TRABD2A: variants seen among roughly 807,000 people sequenced by gnomAD.
TRABD2A encodes TraB domain containing 2A.
Under a neutral mutation model 45.6 loss-of-function variants are expected in TRABD2A, and 43 were observed. The ratio of observed to expected loss-of-function variants is 0.94; its 90% confidence interval spans 0.74 to 1.22. TRABD2A has a LOEUF of 1.22. TRABD2A is among the 50% of genes most tolerant of loss of function. The pLI is 0.00. For missense variants in TRABD2A, 642 were observed against 652.4 expected (o/e 0.98, Z 0.17); for synonymous variants, 269 against 265.0 (o/e 1.02, Z -0.15).
rs1209553053 is a variant in TRABD2A, at chr2:84,832,072, A to G, written c.1065T>C (p.Ala355=). Reference sequence around the variant, plus strand: ...ACGGTTACTTGTGGATGGGTCGTCCAGCAGGGGCGTGTTCTACCTCATAGC... The same window carrying G: ...ACGGTTACTTGTGGATGGGTCGTCCGGCAGGGGCGTGTTCTACCTCATAGC... ...REGYEVEHAP[A]GRPIHKGKSK... The change falls in exon 5 of 7, where the codon GCT becomes GCC. Residue 355 remains alanine, a synonymous_variant. Coordinates refer to ENST00000409520, the MANE Select transcript of TRABD2A (RefSeq NM_001277053.2). 6.2e-7 allele frequency: 1 copy of G among 1,613,472 alleles called. No homozygotes were observed. Among genetic ancestry groups the G allele is most frequent in the Non-Finnish European group, 8.5e-7 (1 of 1,179,896 alleles).
chr2:84,845,502 A>T lies in TRABD2A; in HGVS notation c.670-3495T>A, dbSNP rs189946854. 2.6e-5 allele frequency among the ~76,000 whole-genome samples: 4 copies of T among 151,316 alleles called. No homozygotes were observed. The South Asian group carries it at 8.3e-4, about 31-fold the overall frequency. On this transcript the variant is annotated intron_variant, in intron 2 of 6. Transcript: ENST00000409520. Reference sequence around the variant, plus strand: ...CTGGCTAATGGTGTTCATCAGTGACAGGTTTCTGGCCCTGTGGTCCTCAAG... The same window carrying T: ...CTGGCTAATGGTGTTCATCAGTGACTGGTTTCTGGCCCTGTGGTCCTCAAG...
chr2:84,825,235 A>G (rs1353928958), intron 5 of TRABD2A, among the ~76,000 whole-genome samples: 1 of 152,204 alleles, frequency 6.6e-6, no homozygotes, highest in East Asian at 1.9e-4. Flanking sequence ...TAAGAACTCA[A>G]TTACTTAGCC....
In TRABD2A at chr2:84,863,649, A is replaced by T. The variant is rs1476029327; in HGVS notation, c.669+6576T>A. Among the ~76,000 whole-genome samples the T allele has an allele frequency of 1.6e-3, 148 of 91,126 alleles. No individual in the cohort carries two copies. In the Middle Eastern group the frequency reaches 0.054, roughly 33 times the overall value. The allele number at this position is 91,126 out of a possible 152,430, so 59.8% of individuals were successfully genotyped here. A position where few individuals can be genotyped will look rare whatever the true frequency, so the allele number is the denominator to read the frequency against. On this transcript the variant is annotated intron_variant, in intron 2 of 6. Coordinates refer to ENST00000409520, the MANE Select transcript of TRABD2A (RefSeq NM_001277053.2). Reference sequence around the variant, plus strand: ...CTTTTTGAGACAGAGTCTCGCTCTGATGCCCAGGCTGGAGTGCAGTGGCGC... The same window carrying T: ...CTTTTTGAGACAGAGTCTCGCTCTGTTGCCCAGGCTGGAGTGCAGTGGCGC...
intron 2 of TRABD2A, among the ~76,000 whole-genome samples, chr2:84,867,409 A>C (rs112524336): frequency 0.19 from 29,367 of 152,078 alleles, 3,757 homozygotes; most frequent in African/African-American, 0.37. Context: ...TGGATCCCTT[A>C]CTTACACCTT....
At chr2:84,829,638 G>A (rs1213006056) in intron 5 of TRABD2A, among the ~76,000 whole-genome samples, 2 of 123,072 alleles carry the variant, frequency 1.6e-5, no homozygotes, top group African/African-American at 6.5e-5. Flanking sequence ...AACCCCACAC[G>A]TACACAACAC....
At chr2:84,849,897 C>T (rs1423995008) in intron 2 of TRABD2A, among the ~76,000 whole-genome samples, 1 of 152,180 alleles carries the variant, frequency 6.6e-6, no homozygotes, top group East Asian at 1.9e-4. Context: ...CAGAATGGGC[C>T]AGCATGCTTC....
At chr2:84,865,424 C>G (rs1158913550) in intron 2 of TRABD2A, among the ~76,000 whole-genome samples, 1 of 152,238 alleles carries the variant, frequency 6.6e-6, no homozygotes, top group Non-Finnish European at 1.5e-5. Context: ...ACCTCAGCGT[C>G]AACTCTGGGG....
intron 5 of TRABD2A, 75 bp downstream of exon 5, chr2:84,831,977 TAGC>T (rs1681353455): frequency 2.0e-6 from 3 of 1,471,260 alleles, no homozygotes; most frequent in South Asian, 2.3e-5. Context: ...CTCCTCAAGA[TAGC>T]AGCCCACCCT....
chr2:84,831,097 T>C (rs1044197766), intron 5 of TRABD2A, among the ~76,000 whole-genome samples: 2 of 151,838 alleles, frequency 1.3e-5, no homozygotes, highest in African/African-American at 4.8e-5. Flanking sequence ...CCATTTGGAG[T>C]TAGGGCCTTT....
chr2:84,874,266 A>C (rs1682956963), intron 1 of TRABD2A, among the ~76,000 whole-genome samples: 1 of 152,200 alleles, frequency 6.6e-6, no homozygotes. Context: ...TAAATTTAAA[A>C]ACACACACAC....
intron 2 of TRABD2A, among the ~76,000 whole-genome samples, chr2:84,857,181 G>A (rs920888061): frequency 6.6e-5 from 10 of 152,198 alleles, no homozygotes; most frequent in African/African-American, 2.4e-4. Flanking sequence ...AGCCCAAGCA[G>A]GCTAATACAC....
At chr2:84,853,086 A>G (rs1682154307) in intron 2 of TRABD2A, among the ~76,000 whole-genome samples, 1 of 152,044 alleles carries the variant, frequency 6.6e-6, no homozygotes, top group Admixed American at 6.5e-5. Flanking sequence ...AGATATATTT[A>G]AGTTAAGATC....
In TRABD2A at chr2:84,824,221, G is replaced by A; in HGVS notation, c.1083-17C>T. The A allele has an allele frequency of 6.2e-7, 1 of 1,613,304 alleles. No individual in the cohort carries two copies. Among genetic ancestry groups the A allele is most frequent in the Non-Finnish European group, 8.5e-7 (1 of 1,179,676 alleles). On this transcript the variant is annotated splice_polypyrimidine_tract_variant and intron_variant, in intron 5 of 6. Coordinates refer to ENST00000409520, the MANE Select transcript of TRABD2A (RefSeq NM_001277053.2). The stretch of plus-strand genomic sequence containing the variant: ...CTCTTCCCTCTGTACGCAAGTGGAA[G>A]GAGAAGGTATTTGGAGGAGGGTCAC...
chr2:84,824,266 A>G lies in TRABD2A; in HGVS notation c.1083-62T>C, dbSNP rs117451170. 4.5e-4 allele frequency: 714 copies of G among 1,594,370 alleles called. 6 individuals are homozygous for G. The East Asian group carries it at 0.014, about 32-fold the overall frequency. On this transcript the variant is annotated intron_variant, in intron 5 of 6. Coordinates refer to ENST00000409520, the MANE Select transcript of TRABD2A (RefSeq NM_001277053.2). ...GGTCACACAGCATGGCGCCCTCCCC[A>G]GCTCTCTTACACCTCAGGGTTTCAA...
Position 84,847,395 on chromosome 2 carries a change from A to G in TRABD2A, c.670-5388T>C, listed in dbSNP as rs1681934614. 1.3e-5 allele frequency among the ~76,000 whole-genome samples: 2 copies of G among 152,182 alleles called. 1 individual carries two copies. The highest frequency in any genetic ancestry group is 4.1e-4 in the South Asian group (2 of 4,828). On this transcript the variant is annotated intron_variant, in intron 2 of 6. Transcript: ENST00000409520. Reference sequence around the variant, plus strand: ...CAGGATGTGGCTTGTGGATAAGAGAATTGCTCAGAAACTCCCACCAGTTAA... The same window carrying G: ...CAGGATGTGGCTTGTGGATAAGAGAGTTGCTCAGAAACTCCCACCAGTTAA...
At chr2:84,845,509 TG>T (rs1559089655) in intron 2 of TRABD2A, among the ~76,000 whole-genome samples, 2 of 151,456 alleles carry the variant, frequency 1.3e-5, no homozygotes, top group Admixed American at 6.6e-5. Flanking sequence ...GACAGGTTTC[TG>T]GCCCTGTGGT....
At chr2:84,845,509 T>C (rs1559089653) in intron 2 of TRABD2A, among the ~76,000 whole-genome samples, 1 of 151,456 alleles carries the variant, frequency 6.6e-6, no homozygotes, top group Admixed American at 6.6e-5. Flanking sequence ...GACAGGTTTC[T>C]GGCCCTGTGG....
chr2:84,837,209 G>T (rs553315067), intron 4 of TRABD2A: 43 of 152,188 alleles, frequency 2.8e-4, no homozygotes, highest in African/African-American at 1.0e-3. Context: ...GGTCAGGCTG[G>T]TCTCAAACTC....
chr2:84,879,672 C>G (rs1683139116), intron 1 of TRABD2A: 4 of 922,118 alleles, frequency 4.3e-6, no homozygotes, highest in Non-Finnish European at 5.2e-6. Context: ...GGACTCCTGC[C>G]TTGTCTAACA....
Sources: gnomAD v4.1 joint callset for allele counts (sites outside exome capture counted in the v4.1 genomes callset) on GRCh38, gnomAD v4.1.1 for gene constraint, MANE v1.5 for transcripts, NCBI Gene and HGNC (gene_info 2026-07-23, HGNC 2026-07-21) for gene names.